The following ARHGEF37 variants were observed in gnomAD, a reference collection of about 807,000 sequenced individuals.
The protein encoded by ARHGEF37 is Rho guanine nucleotide exchange factor (GEF) 37.
Under a neutral mutation model 71.1 loss-of-function variants are expected in ARHGEF37, and 55 were observed. The ratio of observed to expected loss-of-function variants is 0.77; its 90% CI spans 0.62 to 0.97. The LOEUF (loss-of-function observed/expected upper bound fraction) is 0.97, where lower values mean the gene tolerates loss of function less well. ARHGEF37 is among the 50% of genes least tolerant of loss of function. The pLI is 0.00. For missense variants in ARHGEF37, 765 were observed against 836.8 expected (o/e 0.91, Z 1.06); for synonymous variants, 327 against 350.6 (o/e 0.93, Z 0.75).
In ARHGEF37 at chr5:149,598,746, ATATC is replaced by A. The variant is rs1232262893; in HGVS notation, c.186+795_186+798del. 1.2e-3 allele frequency among the ~76,000 whole-genome samples: 88 copies of A among 74,602 alleles called. 2 individuals are homozygous for A. Among genetic ancestry groups the A allele is most frequent in the African/African-American group, 2.9e-3 (58 of 19,774 alleles). 48.9% of individuals were successfully genotyped at this position (74,602 alleles called of 152,430 possible). On this transcript the variant is annotated intron_variant, in intron 2 of 12. Transcript: ENST00000333677. ...CAGAAAAAATAAATCTCATATATAT[ATATC>A]TATATATAGATATAGATATAGATAT...
chr5:149,561,088 C>G (rs1253187363), intron 1 of ARHGEF37, among the ~76,000 whole-genome samples: 1 of 152,050 alleles, frequency 6.6e-6, no homozygotes, highest in Non-Finnish European at 1.5e-5. Flanking sequence ...GACTGGCCAA[C>G]ATGGTGAAAC....
Position 149,616,550 on chromosome 5 carries a change from C to G in ARHGEF37, c.459-17C>G. 6.3e-7 allele frequency: 1 copy of G among 1,593,716 alleles called. No individual in the cohort carries two copies. The highest frequency in any genetic ancestry group is 8.6e-7 in the Non-Finnish European group (1 of 1,168,256). On this transcript the variant is annotated splice_polypyrimidine_tract_variant and intron_variant, in intron 4 of 12. Transcript: ENST00000333677. ...GAGGGTGGGATTTACCTGCCTAATA[C>G]CAGCCTTCTCCCTCAGGCCGCAAGC...
chr5:149,556,244 A>G (rs1762753852), intron 1 of ARHGEF37, among the ~76,000 whole-genome samples: 1 of 152,088 alleles, frequency 6.6e-6, no homozygotes, highest in South Asian at 2.1e-4. Flanking sequence ...CCCAGGCTGG[A>G]GTACAGTGGC....
upstream of ARHGEF37, chr5:149,551,664 C>G (rs1184519186): frequency 2.0e-5 from 3 of 152,336 alleles, no homozygotes; most frequent in African/African-American, 7.2e-5. Flanking sequence ...TTACCTGTTA[C>G]TCGCCTCGGA....
chr5:149,613,518 T>C lies in ARHGEF37; in HGVS notation c.459-3049T>C, dbSNP rs191186349. On this transcript the variant is annotated intron_variant, in intron 4 of 12. Coordinates refer to ENST00000333677, the MANE Select transcript of ARHGEF37 (RefSeq NM_001001669.3). The stretch of plus-strand genomic sequence containing the variant: ...TGCGCCACCACGCCCGGCTAATTTT[T>C]GTATTTTTAGTACAGACAGGGTTTC... 3.3e-3 allele frequency among the ~76,000 whole-genome samples: 498 copies of C among 152,058 alleles called. 15 individuals are homozygous for C. Among genetic ancestry groups the C allele is most frequent in the East Asian group, 8.8e-3 (45 of 5,120 alleles).
chr5:149,574,621 T>C (rs891098447), intron 1 of ARHGEF37, among the ~76,000 whole-genome samples: 1 of 152,218 alleles, frequency 6.6e-6, no homozygotes, highest in African/African-American at 2.4e-5. Context: ...CCTCCTAGTC[T>C]ATATTGCCAG....
At chr5:149,555,727 C>T (rs1330661295) in intron 1 of ARHGEF37, among the ~76,000 whole-genome samples, 1 of 152,030 alleles carries the variant, frequency 6.6e-6, no homozygotes, top group East Asian at 1.9e-4. Context: ...ACAACTACTA[C>T]CAAAAGAAAG....
rs1752510864 is a variant in ARHGEF37, at chr5:149,620,562, G to C, written c.1005+98G>C. 3 of 898,078 alleles carry C rather than the reference G, an allele frequency of 3.3e-6. No homozygotes were observed. The East Asian group carries it at 9.1e-5, about 27-fold the overall frequency. The allele number at this position is 898,078 out of a possible 1,614,324, so 55.6% of individuals were successfully genotyped here. On this transcript the variant is annotated intron_variant, in intron 8 of 12. Coordinates refer to ENST00000333677, the MANE Select transcript of ARHGEF37 (RefSeq NM_001001669.3). ...TCAGGCACTTTGGCCAGGCGTGGTG[G>C]CTCACGCCTGTAATCCCAGCACTTT...
intron 1 of ARHGEF37, among the ~76,000 whole-genome samples, chr5:149,568,382 G>A (rs536779440): frequency 1.3e-5 from 2 of 152,120 alleles, no homozygotes. Context: ...TTGCTAACCT[G>A]TACCTCCGAA....
chr5:149,585,380 G>A (rs1236166179), intron 1 of ARHGEF37, among the ~76,000 whole-genome samples: 6 of 152,198 alleles, frequency 3.9e-5, no homozygotes, highest in Non-Finnish European at 8.8e-5. Flanking sequence ...ACAAATTGTG[G>A]TATATCCATA....
chr5:149,603,093 C>G (rs1419967927), intron 3 of ARHGEF37, among the ~76,000 whole-genome samples: 1 of 151,896 alleles, frequency 6.6e-6, no homozygotes, highest in Non-Finnish European at 1.5e-5. Context: ...CCACCACACC[C>G]GGTTAATTTT....
chr5:149,562,860 G>T (rs1295193779), intron 1 of ARHGEF37, among the ~76,000 whole-genome samples: 1 of 152,168 alleles, frequency 6.6e-6, no homozygotes, highest in African/African-American at 2.4e-5. Flanking sequence ...GCCTGTTCTA[G>T]ATCTGAATGG....
At chr5:149,566,259 G>T (rs1046440758) in intron 1 of ARHGEF37, among the ~76,000 whole-genome samples, 1 of 152,042 alleles carries the variant, frequency 6.6e-6, no homozygotes, top group African/African-American at 2.4e-5. Context: ...CACTTTGGGA[G>T]GCTGAGGTGG....
intron 1 of ARHGEF37, among the ~76,000 whole-genome samples, chr5:149,588,628 C>T (rs1448424032): frequency 6.6e-6 from 1 of 152,170 alleles, no homozygotes; most frequent in Admixed American, 6.5e-5. Flanking sequence ...CCTTTGCTCT[C>T]ATGATGTCTG....
At chr5:149,616,944 C>T (rs1359615800) in intron 5 of ARHGEF37, among the ~76,000 whole-genome samples, 178 bp downstream of exon 5, 1 of 152,220 alleles carries the variant, frequency 6.6e-6, no homozygotes. Flanking sequence ...TTCCCTGTAA[C>T]TCCCTTGTCT....
At chr5:149,629,215 G>GATTCATTCATTC (rs34166602) in intron 12 of ARHGEF37, among the ~76,000 whole-genome samples, 1,890 of 151,340 alleles carry the variant, frequency 0.012, 43 homozygotes, top group African/African-American at 0.044. Context: ...GGGCAAGTGA[G>GATTCATTCATTC]ATTCATTCAT....
chr5:149,601,125 G>A lies in ARHGEF37; in HGVS notation c.204G>A (p.Leu68=). The change falls in exon 3 of 13, where the codon CTG becomes CTA. Residue 68 remains leucine (L), a synonymous_variant. Transcript: ENST00000333677. ...CCTTCCAGTTGCCGCAGGGAGATCT[G>A]GATGTCCTGTTCTCAAACATTGATG... is the stretch of plus-strand genomic sequence containing the variant. The part of the protein sequence containing the change: ...SRLQQLPQGD[L]DVLFSNIDDI... The A allele has an allele frequency of 1.2e-6, 2 of 1,612,014 alleles. No individual in the cohort carries two copies. The highest frequency in any genetic ancestry group is 1.7e-6 in the Non-Finnish European group (2 of 1,178,392).
At position 149,562,299 on chromosome 5, in the gene ARHGEF37, A is replaced by G. The variant is rs77130603; in HGVS notation, c.-12+10176A>G. 7.7e-3 allele frequency among the ~76,000 whole-genome samples: 1,169 copies of G among 152,320 alleles called. 18 individuals are homozygous for G. Among genetic ancestry groups the G allele is most frequent in the African/African-American group, 0.026 (1,097 of 41,566 alleles). ...TCAGTTTGTATTTATATGGCACTGT[A>G]TAGTTCATAGAGTATTTTGTGATTC... On this transcript the variant is annotated intron_variant, in intron 1 of 2. Coordinates refer to the ARHGEF37 transcript ENST00000505810.
At chr5:149,595,280 A>G (rs1763512726) in intron 1 of ARHGEF37, among the ~76,000 whole-genome samples, 1 of 152,070 alleles carries the variant, frequency 6.6e-6, no homozygotes, top group African/African-American at 2.4e-5. Flanking sequence ...GGCTCAAGCA[A>G]TCCTCCTACC....
Sources: allele counts gnomAD v4.1 joint callset (sites outside exome capture counted in the v4.1 genomes callset), GRCh38; gene constraint gnomAD v4.1.1; transcripts MANE v1.5; gene names NCBI Gene and HGNC (gene_info 2026-07-23, HGNC 2026-07-21).